ARL8A: variants seen among roughly 807,000 people sequenced by gnomAD.
ARL8A encodes the protein ADP-ribosylation factor-like protein 8A.
In ARL8A, 10 loss-of-function variants were observed where a neutral mutation model predicts 31.2. That is an observed-to-expected ratio of 0.32 (90% confidence interval 0.20 to 0.54). The LOEUF is 0.54. Ranked by LOEUF, ARL8A falls within the 20% of genes least tolerant of loss-of-function variation. ARL8A has a pLI of 0.93. For missense variants in ARL8A, 129 were observed against 242.8 expected, an observed-to-expected ratio of 0.53 and a Z score of 3.12; for synonymous variants, 70 against 86.9, an observed-to-expected ratio of 0.81 and a Z score of 1.08.
Position 202,134,398 on chromosome 1 carries a change from G to T in ARL8A, c.*69C>A. The T allele has an allele frequency of 6.6e-7, 1 of 1,524,920 alleles. No homozygotes were observed. The highest frequency in any genetic ancestry group is 9.1e-7 in the Non-Finnish European group (1 of 1,101,196). The allele number at this position is 1,524,920 out of a possible 1,614,324, so 94.5% of individuals were successfully genotyped here. A position where few individuals can be genotyped will look rare whatever the true frequency, so the allele number is the denominator to read the frequency against. The stretch of plus-strand genomic sequence containing the variant: ...GGGTGGGCTTAGGGGGACGACAGGG[G>T]TGGGCGGGGAGCTCGGCTTCAGGTT... On this transcript the variant is annotated 3_prime_UTR_variant, in exon 7 of 7. Transcript: ENST00000272217. The surrounding 1 kb of genome is among the most constrained non-coding windows in gnomAD (Gnocchi z 4.2).
At chr1:202,141,295 C>T (rs1655158881) in intron 1 of ARL8A, among the ~76,000 whole-genome samples, 1 of 152,232 alleles carries the variant, frequency 6.6e-6, no homozygotes, top group Non-Finnish European at 1.5e-5. Flanking sequence ...TCAGTCCCTT[C>T]TGCCCCATCC....
intron 1 of ARL8A, among the ~76,000 whole-genome samples, chr1:202,143,969 G>T (rs1286649426): frequency 6.6e-6 from 1 of 151,044 alleles, no homozygotes; most frequent in Admixed American, 6.6e-5. Context: ...CGGCAAGGAG[G>T]GGTTAAGCCC....
chr1:202,135,661 T>C lies in ARL8A; in HGVS notation c.372+46A>G, dbSNP rs1482934709. ...TGGCTTTTACCTGCTCCCAGTGACT[T>C]CCCAGCCGAGCTCCCTCCCCATCCC... On this transcript the variant is annotated intron_variant, in intron 4 of 6. Transcript: ENST00000272217. This position sits in a 1 kb window ranked among gnomAD's most constrained non-coding sequence, Gnocchi z 5.3. The C allele has an allele frequency of 1.3e-6, 2 of 1,595,080 alleles. No homozygotes were observed. Among genetic ancestry groups the C allele is most frequent in the African/African-American group, 2.7e-5 (2 of 74,356 alleles).
chr1:202,137,148 G>T (rs1028301757), intron 3 of ARL8A, among the ~76,000 whole-genome samples: 2 of 149,072 alleles, frequency 1.3e-5, no homozygotes, highest in African/African-American at 4.9e-5. Flanking sequence ...GAGCCACCGC[G>T]CCCAGCCCAT....
At position 202,135,858 on chromosome 1, in the gene ARL8A, A is replaced by G; in HGVS notation, c.279-58T>C. 1 of 1,441,350 alleles carries G rather than the reference A, an allele frequency of 6.9e-7. No individual in the cohort carries two copies. Among genetic ancestry groups the G allele is most frequent in the Non-Finnish European group, 9.8e-7 (1 of 1,024,464 alleles). The allele number at this position is 1,441,350 out of a possible 1,614,324, so 89.3% of individuals were successfully genotyped here. The stretch of plus-strand genomic sequence containing the variant: ...TTGACACCACAGGCTGAGGTGGTGC[A>G]AGGAAGAGAAGGAGCTGCTGCTTGG... On this transcript the variant is annotated intron_variant, in intron 3 of 6. Coordinates refer to ENST00000272217, the MANE Select transcript of ARL8A (RefSeq NM_138795.4). The surrounding 1 kb of genome is among the most constrained non-coding windows in gnomAD (Gnocchi z 5.3).
At chr1:202,139,598 T>C (rs551798988) in intron 1 of ARL8A, among the ~76,000 whole-genome samples, 120 of 145,928 alleles carry the variant, frequency 8.2e-4, no homozygotes, top group Non-Finnish European at 1.5e-3. Flanking sequence ...ATGAGGCTCA[T>C]TCAACATTGA....
At chr1:202,142,030 G>C (rs1453136944) in intron 1 of ARL8A, among the ~76,000 whole-genome samples, 1 of 152,134 alleles carries the variant, frequency 6.6e-6, no homozygotes, top group Non-Finnish European at 1.5e-5. Context: ...ACCATGCCTG[G>C]CTAATTTTTG....
In ARL8A at chr1:202,138,294, AAC is replaced by A. The variant is rs10531175; in HGVS notation, c.204+72_204+73del. On this transcript the variant is annotated intron_variant, in intron 2 of 6. Transcript: ENST00000272217. This position sits in a 1 kb window ranked among gnomAD's most constrained non-coding sequence, Gnocchi z 4.4. ...CCCAGGGGCCTCCGTTGCCCTCCCC[AAC>A]ACACACACACACACACACACACACA... 0.061 allele frequency: 80,549 copies of A among 1,313,624 alleles called. 261 individuals are homozygous for A. The highest frequency in any genetic ancestry group is 0.082 in the Middle Eastern group (382 of 4,642). 81.4% of individuals were successfully genotyped at this position (1,313,624 alleles called of 1,614,324 possible). A position where few individuals can be genotyped will look rare whatever the true frequency, so the allele number is the denominator to read the frequency against.
chr1:202,138,748 C>T lies in ARL8A; in HGVS notation c.124-300G>A, dbSNP rs549486260. Among the ~76,000 whole-genome samples the T allele has an allele frequency of 9.9e-5, 15 of 152,260 alleles. No homozygotes were observed. The East Asian group carries it at 1.4e-3, about 14-fold the overall frequency. On this transcript the variant is annotated intron_variant, in intron 1 of 6. Transcript: ENST00000272217. This position sits in a 1 kb window ranked among gnomAD's most constrained non-coding sequence, Gnocchi z 4.4. Reference sequence around the variant, plus strand: ...ACCTACATCTCTCTGTAGTAACTGACGCCACTTTCTCTCCAGTGGAGAGGA... The same window carrying T: ...ACCTACATCTCTCTGTAGTAACTGATGCCACTTTCTCTCCAGTGGAGAGGA...
chr1:202,134,570 G>T lies in ARL8A; in HGVS notation c.512-54C>A. On this transcript the variant is annotated intron_variant, in intron 6 of 6. Coordinates refer to ENST00000272217, the MANE Select transcript of ARL8A (RefSeq NM_138795.4). The surrounding 1 kb of genome is among the most constrained non-coding windows in gnomAD (Gnocchi z 4.2). ...AGGCCTGCAAGTACTGGCCGTGCTG[G>T]GGCAGCAGAGAGGCCCAAGAAACCA... 1 of 1,542,162 alleles carries T rather than the reference G, an allele frequency of 6.5e-7. No homozygotes were observed. Among genetic ancestry groups the T allele is most frequent in the East Asian group, 2.2e-5 (1 of 44,502 alleles).
At position 202,144,501 on chromosome 1, in the gene ARL8A, C is replaced by T; in HGVS notation, c.72G>A (p.Thr24=). The T allele has an allele frequency of 1.3e-6, 2 of 1,485,254 alleles. No individual in the cohort carries two copies. The highest frequency in any genetic ancestry group is 1.4e-5 in the African/African-American group (1 of 69,514). 92.0% of individuals were successfully genotyped at this position (1,485,254 alleles called of 1,614,324 possible). A position where few individuals can be genotyped will look rare whatever the true frequency, so the allele number is the denominator to read the frequency against. ...TGCCCGAGTACTGAAGCCCGACCAG[C>T]GTGAGCTCCATCTCCTCCTTCCAGA... ...ALFWKEEMEL[T]LVGLQYSGKT... Residue 24 remains threonine, a synonymous_variant, in exon 1 of 7, where the codon ACG becomes ACA. Transcript: ENST00000272217. This position sits in a 1 kb window ranked among gnomAD's most constrained non-coding sequence, Gnocchi z 5.2.
chr1:202,138,505 GA>G lies in ARL8A; in HGVS notation c.124-58del. On this transcript the variant is annotated intron_variant, in intron 1 of 6. Coordinates refer to ENST00000272217, the MANE Select transcript of ARL8A (RefSeq NM_138795.4). The surrounding 1 kb of genome is among the most constrained non-coding windows in gnomAD (Gnocchi z 4.4). ...CAAAAATCGATATGCCCCCACCGCA[GA>G]CCAAGAGGCTGCGAGAACCATGCAG... 2 of 1,535,598 alleles carry G rather than the reference GA, an allele frequency of 1.3e-6. No homozygotes were observed. The highest frequency in any genetic ancestry group is 1.8e-6 in the Non-Finnish European group (2 of 1,109,354).
chr1:202,134,395 G>T lies in ARL8A; in HGVS notation c.*72C>A. On this transcript the variant is annotated 3_prime_UTR_variant, in exon 7 of 7. Transcript: ENST00000272217. The surrounding 1 kb of genome is among the most constrained non-coding windows in gnomAD (Gnocchi z 4.2). ...GAGGGGTGGGCTTAGGGGGACGACAGGGGTGGGCGGGGAGCTCGGCTTCAG... is the reference window on the plus strand; with the variant it reads ...GAGGGGTGGGCTTAGGGGGACGACATGGGTGGGCGGGGAGCTCGGCTTCAG... The T allele has an allele frequency of 6.6e-7, 1 of 1,513,132 alleles. No individual in the cohort carries two copies. Among genetic ancestry groups the T allele is most frequent in the South Asian group, 1.1e-5 (1 of 88,864 alleles). 93.7% of individuals were successfully genotyped at this position (1,513,132 alleles called of 1,614,324 possible).
intron 3 of ARL8A, among the ~76,000 whole-genome samples, chr1:202,136,654 C>T (rs777058911): frequency 1.3e-5 from 2 of 152,160 alleles, no homozygotes; most frequent in Non-Finnish European, 2.9e-5. Flanking sequence ...ACTGCAGCCT[C>T]GGCTTCCTGG....
chr1:202,134,361 C>A lies in ARL8A; in HGVS notation c.*106G>T. On this transcript the variant is annotated 3_prime_UTR_variant, in exon 7 of 7. Transcript: ENST00000272217. The surrounding 1 kb of genome is among the most constrained non-coding windows in gnomAD (Gnocchi z 4.2). The stretch of plus-strand genomic sequence containing the variant: ...GGGTCCCCAGAGGGCCCTCCTCACA[C>A]TGGGTGAGGAGGGGTGGGCTTAGGG... 3 of 1,154,222 alleles carry A rather than the reference C, an allele frequency of 2.6e-6. No homozygotes were observed. In the South Asian group the frequency reaches 3.8e-5, roughly 15 times the overall value. The allele number at this position is 1,154,222 out of a possible 1,614,324, so 71.5% of individuals were successfully genotyped here.
In ARL8A at chr1:202,144,528, T is replaced by C. The variant is rs377121563; in HGVS notation, c.45A>G (p.Leu15=). The C allele has an allele frequency of 3.0e-5, 44 of 1,483,726 alleles. No individual in the cohort carries two copies. In the African/African-American group the frequency reaches 5.1e-4, roughly 17 times the overall value. 91.9% of individuals were successfully genotyped at this position (1,483,726 alleles called of 1,614,324 possible). The change falls in exon 1 of 7, where the codon CTA becomes CTG. Residue 15 remains leucine (L), a synonymous_variant. Transcript: ENST00000272217. This position sits in a 1 kb window ranked among gnomAD's most constrained non-coding sequence, Gnocchi z 5.2. The part of the protein sequence containing the change: ...FNKLLDWFKA[L]FWKEEMELTL... ...TGAGCTCCATCTCCTCCTTCCAGAA[T>C]AGGGCCTTGAACCAGTCCAGCAGCT... is the stretch of plus-strand genomic sequence containing the variant.
At chr1:202,137,473 C>G (rs113403125) in intron 3 of ARL8A, among the ~76,000 whole-genome samples, 1 of 152,040 alleles carries the variant, frequency 6.6e-6, no homozygotes, top group African/African-American at 2.4e-5. Flanking sequence ...ACTAAAAATA[C>G]AAAAGTGGCC....
chr1:202,135,107 G>GA lies in ARL8A; in HGVS notation c.511+42dup. 6.4e-7 allele frequency: 1 copy of GA among 1,573,210 alleles called. No individual in the cohort carries two copies. On this transcript the variant is annotated intron_variant, in intron 6 of 6. Coordinates refer to ENST00000272217, the MANE Select transcript of ARL8A (RefSeq NM_138795.4). The surrounding 1 kb of genome is among the most constrained non-coding windows in gnomAD (Gnocchi z 5.3). ...AACCTGAGAGCCACTAAAACACTCA[G>GA]AAATGCCTCTCCCCTCTCCTCCCTT...
At position 202,135,544 on chromosome 1, in the gene ARL8A, TG is replaced by T. The variant is rs1654982189; in HGVS notation, c.373-19del. On this transcript the variant is annotated intron_variant, in intron 4 of 6. Coordinates refer to ENST00000272217, the MANE Select transcript of ARL8A (RefSeq NM_138795.4). The surrounding 1 kb of genome is among the most constrained non-coding windows in gnomAD (Gnocchi z 5.3). The stretch of plus-strand genomic sequence containing the variant: ...ACTAAGACCTACGGAGAAGGGAGGG[TG>T]AGGATGAGGTCTAGGGCAGCCGTGC... 1 of 1,613,144 alleles carries T rather than the reference TG, an allele frequency of 6.2e-7. No homozygotes were observed. Among genetic ancestry groups the T allele is most frequent in the African/African-American group, 1.3e-5 (1 of 74,748 alleles).
Sources: gnomAD v4.1 joint callset for allele counts (sites outside exome capture counted in the v4.1 genomes callset) on GRCh38, gnomAD v4.1.1 for gene constraint, Gnocchi (gnomAD v3.1) non-coding constraint, MANE v1.5 for transcripts, NCBI Gene and HGNC (gene_info 2026-07-23, HGNC 2026-07-21) for gene names.